Variants in TMPRSS12 observed in about 807,000 individuals in gnomAD.
TMPRSS12 encodes transmembrane protease serine 12.
In TMPRSS12, 25 loss-of-function variants were observed where a neutral mutation model predicts 26.0. The ratio of observed to expected loss-of-function variants is 0.96; its 90% confidence interval spans 0.70 to 1.34. The LOEUF (loss-of-function observed/expected upper bound fraction) is 1.34, where lower values mean the gene tolerates loss of function less well. Ranked by LOEUF, TMPRSS12 falls within the 40% of genes most tolerant of loss-of-function variation. The pLI, the probability that TMPRSS12 is intolerant of heterozygous loss-of-function variation, is 0.00. For missense variants in TMPRSS12, 441 were observed against 440.1 expected, an observed-to-expected ratio of 1.00 and a Z score of -0.02; for synonymous variants, 150 against 161.7, an observed-to-expected ratio of 0.93 and a Z score of 0.55.
intron 3 of TMPRSS12, among the ~76,000 whole-genome samples, chr12:50,877,193 G>A (rs1364423656): frequency 6.6e-6 from 1 of 152,054 alleles, no homozygotes; most frequent in Non-Finnish European, 1.5e-5. Flanking sequence ...TAGGTAACAC[G>A]TATCCCCTGA....
chr12:50,877,478 A>G lies in TMPRSS12; in HGVS notation c.653-7768A>G, dbSNP rs1459095238. On this transcript the variant is annotated intron_variant, in intron 3 of 4. Coordinates refer to ENST00000398458, the MANE Select transcript of TMPRSS12 (RefSeq NM_182559.3). ...ATGTAGAAATGCTTAAGGAATCTAC[A>G]AAACAATCTAGTAAAACAAGTTCGT... Among the ~76,000 whole-genome samples, 7 of 152,400 alleles carry G rather than the reference A, an allele frequency of 4.6e-5. No homozygotes were observed. In the East Asian group the frequency reaches 1.3e-3, roughly 29 times the overall value.
At chr12:50,875,313 T>C (rs1477714993) in intron 3 of TMPRSS12, among the ~76,000 whole-genome samples, 1 of 151,744 alleles carries the variant, frequency 6.6e-6, no homozygotes, top group African/African-American at 2.4e-5. Flanking sequence ...AATATGGTTC[T>C]AACCTCGTCT....
chr12:50,851,536 T>C (rs1207906461), intron 2 of TMPRSS12, among the ~76,000 whole-genome samples: 2 of 152,000 alleles, frequency 1.3e-5, no homozygotes, highest in African/African-American at 2.4e-5. Context: ...TTCCAAGAAA[T>C]AGGGGATTAT....
Position 50,885,269 on chromosome 12 carries a change from G to A in TMPRSS12, c.676G>A (p.Asp226Asn). 2 of 1,597,850 alleles carry A rather than the reference G, an allele frequency of 1.3e-6. No homozygotes were observed. Among genetic ancestry groups the A allele is most frequent in the Non-Finnish European group, 1.7e-6 (2 of 1,173,714 alleles). The change falls in exon 4 of 5, where the codon GAT becomes AAT. Residue 226 changes from aspartate to asparagine, a missense_variant. Physicochemically the swap from Asp to Asn is conservative, Grantham distance 23 (BLOSUM62 1). Transcript: ENST00000398458. ...EEGNATNILQ[D>N]AEVHYISREM... Reference sequence around the variant, plus strand: ...AGGTAACGCTACAAATATTTTACAAGATGCAGAAGTGCATTATATTTCTCG... The same window carrying A: ...AGGTAACGCTACAAATATTTTACAAAATGCAGAAGTGCATTATATTTCTCG...
At position 50,847,102 on chromosome 12, in the gene TMPRSS12, A is replaced by G. The variant is rs187008263; in HGVS notation, c.383+3065A>G. ...GAGACGGAGTCTCGCTCTGTTGCCC[A>G]GGCTGGAGTGCAGTGGCGCGATCTC... On this transcript the variant is annotated intron_variant, in intron 2 of 4. Transcript: ENST00000398458. 9.4e-3 allele frequency among the ~76,000 whole-genome samples: 1,118 copies of G among 119,430 alleles called. 19 individuals are homozygous for G. Among genetic ancestry groups the G allele is most frequent in the African/African-American group, 0.032 (1,040 of 32,028 alleles). 78.4% of individuals were successfully genotyped at this position (119,430 alleles called of 152,430 possible). A position where few individuals can be genotyped will look rare whatever the true frequency, so the allele number is the denominator to read the frequency against.
chr12:50,849,976 A>C (rs1202110573), intron 2 of TMPRSS12, among the ~76,000 whole-genome samples: 1 of 150,186 alleles, frequency 6.7e-6, no homozygotes, highest in Non-Finnish European at 1.5e-5. Flanking sequence ...CTTTTTCCAG[A>C]GTGCCATATA....
chr12:50,875,489 C>CAAAAAAAAA (rs56816598), intron 3 of TMPRSS12, among the ~76,000 whole-genome samples: 4,271 of 69,066 alleles, frequency 0.062, 362 homozygotes, highest in African/African-American at 0.1. Flanking sequence ...GACTCCATCT[C>CAAAAAAAAA]AAAAAAAAAA....
intron 3 of TMPRSS12, among the ~76,000 whole-genome samples, chr12:50,878,515 C>T (rs997610912): frequency 5.3e-5 from 8 of 152,226 alleles, no homozygotes; most frequent in South Asian, 2.1e-4. Flanking sequence ...GAGTTTGAGG[C>T]TTCAGTGAGC....
intron 3 of TMPRSS12, among the ~76,000 whole-genome samples, chr12:50,873,416 C>T (rs766095914): frequency 5.9e-5 from 9 of 152,162 alleles, no homozygotes; most frequent in Admixed American, 3.9e-4. Flanking sequence ...TATGAGCCTA[C>T]AATTGTGTAT....
intron 2 of TMPRSS12, among the ~76,000 whole-genome samples, chr12:50,844,849 C>T (rs1453948401): frequency 1.3e-5 from 2 of 152,166 alleles, no homozygotes; most frequent in Non-Finnish European, 2.9e-5. Context: ...ATCTGAATTT[C>T]ATATGTTTAA....
chr12:50,878,925 T>C (rs1487540479), intron 3 of TMPRSS12, among the ~76,000 whole-genome samples: 2 of 152,194 alleles, frequency 1.3e-5, no homozygotes, highest in Non-Finnish European at 2.9e-5. Context: ...AGTGCCCTTA[T>C]ATGAGAGGCC....
Position 50,851,851 on chromosome 12 carries a change from A to G in TMPRSS12, c.384-6934A>G, listed in dbSNP as rs142822041. Among the ~76,000 whole-genome samples, 6 of 152,374 alleles carry G rather than the reference A, an allele frequency of 3.9e-5. No homozygotes were observed. The East Asian group carries it at 1.2e-3, about 29-fold the overall frequency. On this transcript the variant is annotated intron_variant, in intron 2 of 4. Coordinates refer to ENST00000398458, the MANE Select transcript of TMPRSS12 (RefSeq NM_182559.3). Reference sequence around the variant, plus strand: ...CCATCAGGCTAACAGCAGACCTTTCAGCAGAAACTCTACAAGCCAGAAAAG... The same window carrying G: ...CCATCAGGCTAACAGCAGACCTTTCGGCAGAAACTCTACAAGCCAGAAAAG...
chr12:50,854,744 T>G (rs146632592), intron 2 of TMPRSS12, among the ~76,000 whole-genome samples: 2 of 152,314 alleles, frequency 1.3e-5, no homozygotes, highest in African/African-American at 4.8e-5. Flanking sequence ...TATCTAAGGA[T>G]ACATCTAACC....
In TMPRSS12 at chr12:50,887,267, C is replaced by T. The variant is rs1200286823; in HGVS notation, c.801C>T (p.Asp267=). ...TTTTGGGACTTTTTTGACAGGGTGACAGTGGGGGACCATTAATGTGCTACT... is the reference window on the plus strand; with the variant it reads ...TTTTGGGACTTTTTTGACAGGGTGATAGTGGGGGACCATTAATGTGCTACT... ...EDGAFDTCRG[D]SGGPLMCYLP... The change falls in exon 5 of 5, where the codon GAC becomes GAT. Residue 267 remains aspartate, a synonymous_variant. Transcript: ENST00000398458. The T allele has an allele frequency of 6.2e-7, 1 of 1,612,914 alleles. No homozygotes were observed. The highest frequency in any genetic ancestry group is 2.2e-5 in the East Asian group (1 of 44,854).
At chr12:50,851,541 G>T (rs537867074) in intron 2 of TMPRSS12, among the ~76,000 whole-genome samples, 6 of 152,116 alleles carry the variant, frequency 3.9e-5, no homozygotes, top group Admixed American at 6.6e-5. Context: ...AGAAATAGGG[G>T]ATTATGTAAA....
chr12:50,880,744 C>T (rs1938155439), intron 3 of TMPRSS12, among the ~76,000 whole-genome samples: 2 of 151,934 alleles, frequency 1.3e-5, no homozygotes, highest in Non-Finnish European at 2.9e-5. Context: ...ATTCAAAGTC[C>T]ACCAACTAGT....
At chr12:50,862,132 C>T (rs372198140) in intron 3 of TMPRSS12, among the ~76,000 whole-genome samples, 1 of 152,134 alleles carries the variant, frequency 6.6e-6, no homozygotes, top group East Asian at 1.9e-4. Flanking sequence ...TTCACAATGT[C>T]ATACAGTTTC....
chr12:50,857,433 T>C (rs1937889006), intron 2 of TMPRSS12, among the ~76,000 whole-genome samples: 1 of 94,816 alleles, frequency 1.1e-5, no homozygotes, highest in Non-Finnish European at 2.6e-5. Context: ...AGAGTACCCT[T>C]GTTCCTCTAA....
intron 3 of TMPRSS12, among the ~76,000 whole-genome samples, chr12:50,860,173 G>A (rs1937921304): frequency 6.6e-6 from 1 of 152,208 alleles, no homozygotes. Context: ...TCTATTTTAA[G>A]TAATAAGCTT....
Sources: gnomAD v4.1 joint callset for allele counts (sites outside exome capture counted in the v4.1 genomes callset) on GRCh38, gnomAD v4.1.1 for gene constraint, MANE v1.5 for transcripts, NCBI Gene and HGNC (gene_info 2026-07-23, HGNC 2026-07-21) for gene names.